Variants in KDELR1 observed in about 807,000 individuals in gnomAD.
The protein encoded by KDELR1 is KDEL endoplasmic reticulum protein retention receptor 1.
A neutral mutation model predicts 25.5 loss-of-function variants in KDELR1; 16 were observed. The observed-to-expected ratio is 0.63, with a 90% CI of 0.43 to 0.95. KDELR1 has a LOEUF of 0.95. Ranked by LOEUF, KDELR1 falls within the 40% of genes least tolerant of loss-of-function variation. The probability of loss-of-function intolerance (pLI) is 0.00; values close to 1 mark genes in which losing one functional copy is unlikely to be tolerated. For missense variants in KDELR1, 159 were observed against 265.2 expected (o/e 0.60, Z 2.78); for synonymous variants, 121 against 115.0 (o/e 1.05, Z -0.33).
Position 48,389,698 on chromosome 19 carries a change from G to T in KDELR1, c.206C>A (p.Ala69Asp). The change falls in exon 3 of 5, where the codon GCC becomes GAC. Residue 69 changes from alanine to aspartate, a missense_variant. By Grantham distance (126) the Ala-to-Asp change is moderately radical. Transcript: ENST00000330720. ...YNTCMKVVYI[A>D]CSFTTVWLIY... ...CAACCAGACCGTGGTGAAGGAGCAG[G>T]CTATGTAGACCACCTGAGGAGGGGG... 1 of 1,614,050 alleles carries T rather than the reference G, an allele frequency of 6.2e-7. No individual in the cohort carries two copies. The highest frequency in any genetic ancestry group is 8.5e-7 in the Non-Finnish European group (1 of 1,179,948).
chr19:48,383,168 G>T lies in KDELR1; in HGVS notation c.*125C>A. On this transcript the variant is annotated 3_prime_UTR_variant, in exon 5 of 5. Coordinates refer to ENST00000330720, the MANE Select transcript of KDELR1 (RefSeq NM_006801.3). ...CTGTCCCCCTGAAACCCGGCAGGAG[G>T]CGGGATGGGGAGCACAAGAGGTGGG... 1.0e-6 allele frequency: 1 copy of T among 985,094 alleles called. No individual in the cohort carries two copies. The highest frequency in any genetic ancestry group is 1.6e-6 in the Non-Finnish European group (1 of 642,960). The allele number at this position is 985,094 out of a possible 1,614,324, so 61.0% of individuals were successfully genotyped here. A position where few individuals can be genotyped will look rare whatever the true frequency, so the allele number is the denominator to read the frequency against.
chr19:48,393,081 C>T (rs1357488208), upstream of KDELR1, among the ~76,000 whole-genome samples: 1 of 152,164 alleles, frequency 6.6e-6, no homozygotes, highest in Admixed American at 6.5e-5. The surrounding 1 kb of genome is among the most constrained non-coding windows in gnomAD (Gnocchi z 5.6). Context: ...ACGGGGTGCC[C>T]AAGGGTGACA....
intron 3 of KDELR1, 26 bp downstream of exon 3, chr19:48,389,527 A>G: frequency 1.2e-6 from 2 of 1,613,232 alleles, no homozygotes; most frequent in Non-Finnish European, 1.7e-6. Flanking sequence ...ATCCCCCCAA[A>G]TAAGGAGTCA....
chr19:48,396,188 G>A (rs983433591), upstream of KDELR1, among the ~76,000 whole-genome samples: 9 of 151,938 alleles, frequency 5.9e-5, no homozygotes, highest in South Asian at 6.2e-4. Flanking sequence ...CGGGGGGAGC[G>A]GGGGGTTGTC....
In KDELR1 at chr19:48,383,067, AT is replaced by A. The variant is rs961528817; in HGVS notation, c.*225del. The A allele has an allele frequency of 1.0e-4, 60 of 576,580 alleles. No individual in the cohort carries two copies. Among genetic ancestry groups the A allele is most frequent in the Admixed American group, 6.8e-4 (22 of 32,390 alleles). The allele number at this position is 576,580 out of a possible 1,614,324, so 35.7% of individuals were successfully genotyped here. On this transcript the variant is annotated 3_prime_UTR_variant, in exon 5 of 5. Coordinates refer to ENST00000330720, the MANE Select transcript of KDELR1 (RefSeq NM_006801.3). Reference sequence around the variant, plus strand: ...GAATCAAAAACTAAAGAGTGGAAAGATTTTTTTTTCTTGTCTAAAAGGCAAA... The same window carrying A: ...GAATCAAAAACTAAAGAGTGGAAAGATTTTTTTTCTTGTCTAAAAGGCAAA...
rs1970540585 is a variant in KDELR1, at chr19:48,390,637, G to T, written c.92-113C>A. ...AGGAAGCTGGGGGTGGGCTGCATGG[G>T]CAATAAACTAAGGCAGGGCGCCCGG... On this transcript the variant is annotated intron_variant, in intron 1 of 4. Coordinates refer to ENST00000330720, the MANE Select transcript of KDELR1 (RefSeq NM_006801.3). 6.5e-6 allele frequency: 5 copies of T among 771,696 alleles called. No individual in the cohort carries two copies. The South Asian group carries it at 8.3e-5, about 13-fold the overall frequency. The allele number at this position is 771,696 out of a possible 1,614,324, so 47.8% of individuals were successfully genotyped here. A position where few individuals can be genotyped will look rare whatever the true frequency, so the allele number is the denominator to read the frequency against.
chr19:48,387,053 A>G (rs1336115890), intron 3 of KDELR1, among the ~76,000 whole-genome samples: 1 of 143,390 alleles, frequency 7.0e-6, no homozygotes, highest in Non-Finnish European at 1.5e-5. Flanking sequence ...TCTGGGTGAC[A>G]CAGCAAGACT....
At chr19:48,385,882 A>G (rs2034900422) in intron 3 of KDELR1, among the ~76,000 whole-genome samples, 1 of 152,188 alleles carries the variant, frequency 6.6e-6, no homozygotes, top group South Asian at 2.1e-4. Context: ...AGATGAGGAA[A>G]CTGAGGCCCA....
the KDELR1 span, among the ~76,000 whole-genome samples, chr19:48,397,121 T>A: frequency 6.9e-6 from 1 of 144,510 alleles, no homozygotes; most frequent in East Asian, 2.3e-4. Flanking sequence ...TCTCCACAGC[T>A]GTGCCCCCCA....
intron 4 of KDELR1, 55 bp from the exon 5 acceptor site, chr19:48,383,382 G>C: frequency 2.7e-6 from 4 of 1,492,622 alleles, no homozygotes; most frequent in Non-Finnish European, 3.7e-6. Flanking sequence ...GCAGGGAGGG[G>C]ACAGCCTCCC....
upstream of KDELR1, among the ~76,000 whole-genome samples, chr19:48,395,536 C>CACACACT (rs1461779337): frequency 2.6e-5 from 4 of 151,964 alleles, no homozygotes; most frequent in African/African-American, 7.3e-5. Context: ...AAACGGGATG[C>CACACACT]CGTCTGCAGC....
At chr19:48,393,261 C>G (rs1460164717), upstream of KDELR1, among the ~76,000 whole-genome samples, 2 of 152,048 alleles carry the variant, frequency 1.3e-5, no homozygotes, top group Non-Finnish European at 2.9e-5. This position sits in a 1 kb window ranked among gnomAD's most constrained non-coding sequence, Gnocchi z 5.6. Flanking sequence ...CTCCTGGGAC[C>G]AGGGTCGAGA....
At position 48,390,541 on chromosome 19, in the gene KDELR1, G is replaced by A. The variant is rs1457222087; in HGVS notation, c.92-17C>T. On this transcript the variant is annotated splice_polypyrimidine_tract_variant and intron_variant, in intron 1 of 4. Transcript: ENST00000330720. Reference sequence around the variant, plus strand: ...CTGAAATTCCTGTGGTCCAGAGACAGAGAAAGAGAGAGAGAGAGAGACAGA... The same window carrying A: ...CTGAAATTCCTGTGGTCCAGAGACAAAGAAAGAGAGAGAGAGAGAGACAGA... The A allele has an allele frequency of 1.3e-6, 2 of 1,526,746 alleles. No homozygotes were observed. Among genetic ancestry groups the A allele is most frequent in the Admixed American group, 1.7e-5 (1 of 59,672 alleles). The allele number at this position is 1,526,746 out of a possible 1,614,324, so 94.6% of individuals were successfully genotyped here.
intron 3 of KDELR1, among the ~76,000 whole-genome samples, chr19:48,386,963 C>T (rs1360942977): frequency 1.3e-5 from 2 of 148,924 alleles, no homozygotes; most frequent in African/African-American, 2.5e-5. Context: ...CCCAGCTACT[C>T]GGGACGCTGA....
At chr19:48,394,587 G>C (rs1470153357), upstream of KDELR1, among the ~76,000 whole-genome samples, 2 of 149,616 alleles carry the variant, frequency 1.3e-5, no homozygotes, top group Non-Finnish European at 3.0e-5. This position sits in a 1 kb window ranked among gnomAD's most constrained non-coding sequence, Gnocchi z 5.1. Context: ...GCGGAGGGGG[G>C]ATCCCCACGG....
intron 3 of KDELR1, among the ~76,000 whole-genome samples, chr19:48,388,002 A>G (rs1970509761): frequency 6.6e-6 from 1 of 151,862 alleles, no homozygotes; most frequent in Non-Finnish European, 1.5e-5. Context: ...AACATTTAAA[A>G]GTAAAAGTAT....
chr19:48,396,376 C>T (rs1017139737), upstream of KDELR1, among the ~76,000 whole-genome samples: 14 of 151,608 alleles, frequency 9.2e-5, no homozygotes, highest in African/African-American at 2.7e-4. Flanking sequence ...CCGGGGGCTG[C>T]CCTCCTGGGC....
chr19:48,384,616 A>C lies in KDELR1; in HGVS notation c.352-134T>G. The C allele has an allele frequency of 8.8e-7, 1 of 1,139,640 alleles. No homozygotes were observed. The highest frequency in any genetic ancestry group is 1.2e-6 in the Non-Finnish European group (1 of 811,604). The allele number at this position is 1,139,640 out of a possible 1,614,324, so 70.6% of individuals were successfully genotyped here. On this transcript the variant is annotated intron_variant, in intron 3 of 4. Coordinates refer to ENST00000330720, the MANE Select transcript of KDELR1 (RefSeq NM_006801.3). The surrounding 1 kb of genome is among the most constrained non-coding windows in gnomAD (Gnocchi z 4.6). Reference sequence around the variant, plus strand: ...ATCCAGGTGCTGCCAAGTGCCAGACACAGTTCTGCCCGAGTTACTGGTACC... The same window carrying C: ...ATCCAGGTGCTGCCAAGTGCCAGACCCAGTTCTGCCCGAGTTACTGGTACC...
chr19:48,392,748 C>A (rs1000409250), upstream of KDELR1, among the ~76,000 whole-genome samples: 3 of 152,184 alleles, frequency 2.0e-5, no homozygotes, highest in Non-Finnish European at 4.4e-5. Flanking sequence ...TGGCTTCCCC[C>A]CTGCTCCAGA....
Sources: gnomAD v4.1 joint callset for allele counts (sites outside exome capture counted in the v4.1 genomes callset) on GRCh38, gnomAD v4.1.1 for gene constraint, Gnocchi (gnomAD v3.1) non-coding constraint, MANE v1.5 for transcripts, NCBI Gene and HGNC (gene_info 2026-07-23, HGNC 2026-07-21) for gene names.